SFI1: variants seen among roughly 807,000 people sequenced by gnomAD.
SFI1 encodes protein SFI1 homolog.
In SFI1, 195 loss-of-function variants were observed where a neutral mutation model predicts 207.5. That is an observed-to-expected ratio of 0.94 (90% CI 0.84 to 1.06). SFI1 has a LOEUF of 1.06. Ranked by LOEUF, SFI1 falls within the 50% of genes least tolerant of loss-of-function variation. The probability of loss-of-function intolerance (pLI) is 0.00; values close to 1 mark genes in which losing one functional copy is unlikely to be tolerated. For synonymous variants in SFI1, 630 were observed against 598.9 expected (o/e 1.05, Z -0.76); for missense variants, 1,634 against 1,588.0 (o/e 1.03, Z -0.49).
intron 10 of SFI1, among the ~76,000 whole-genome samples, chr22:31,576,208 A>T (rs1485749791): frequency 1.3e-5 from 2 of 151,978 alleles, no homozygotes; most frequent in Middle Eastern, 3.2e-3. Flanking sequence ...TATTTTTAGT[A>T]GAGACGGGGT....
intron 4 of SFI1, among the ~76,000 whole-genome samples, chr22:31,535,935 C>T (rs748338484): frequency 9.2e-5 from 14 of 152,070 alleles, no homozygotes; most frequent in Admixed American, 6.6e-5. Flanking sequence ...AGTCAAGGTT[C>T]GGTTAAGTTT....
At chr22:31,596,423 C>T (rs2067125285) in intron 15 of SFI1, among the ~76,000 whole-genome samples, 1 of 152,172 alleles carries the variant, frequency 6.6e-6, no homozygotes, top group African/African-American at 2.4e-5. Flanking sequence ...TCTCTTGTCT[C>T]TTCTGGCTTC....
At chr22:31,601,827 C>T (rs1292620938) in intron 15 of SFI1, among the ~76,000 whole-genome samples, 1 of 152,034 alleles carries the variant, frequency 6.6e-6, no homozygotes, top group Non-Finnish European at 1.5e-5. Context: ...GGGTCTCACT[C>T]TGTTGCCCAG....
intron 2 of SFI1, 129 bp from the exon 3 acceptor site, chr22:31,528,561 C>A: frequency 1.2e-6 from 1 of 831,490 alleles, no homozygotes; most frequent in Non-Finnish European, 1.9e-6. Flanking sequence ...TGCTTATTAT[C>A]CTTGCAGCAT....
intron 1 of SFI1, among the ~76,000 whole-genome samples, chr22:31,507,608 G>C (rs1258209286): frequency 6.6e-6 from 1 of 152,144 alleles, no homozygotes; most frequent in African/African-American, 2.4e-5. Context: ...TTTGCACTCT[G>C]TCCATCTGAC....
In SFI1 at chr22:31,540,309, A is replaced by C. The variant is rs2059361074; in HGVS notation, c.339-6552A>C. On this transcript the variant is annotated intron_variant, in intron 4 of 32. Coordinates refer to ENST00000400288, the MANE Select transcript of SFI1 (RefSeq NM_001007467.3). ...TTATTTTATTTTATTTTTGAGACAGAGTCTTACTCTGTCACCCAGGCTAGA... is the reference window on the plus strand; with the variant it reads ...TTATTTTATTTTATTTTTGAGACAGCGTCTTACTCTGTCACCCAGGCTAGA... Among the ~76,000 whole-genome samples, 4 of 150,542 alleles carry C rather than the reference A, an allele frequency of 2.7e-5. No individual in the cohort carries two copies. In the South Asian group the frequency reaches 8.4e-4, roughly 32 times the overall value.
chr22:31,556,341 C>T lies in SFI1; in HGVS notation c.545-601C>T, dbSNP rs2061166438. Among the ~76,000 whole-genome samples, 4 of 151,824 alleles carry T rather than the reference C, an allele frequency of 2.6e-5. 1 individual carries two copies. The South Asian group carries it at 8.3e-4, about 32-fold the overall frequency. On this transcript the variant is annotated intron_variant, in intron 6 of 32. Transcript: ENST00000400288. ...AGGTTTAGCAATTCTCCTGCCTCAG[C>T]CTCCTGAGTAGCTGGGACTACAGGC...
At chr22:31,603,242 A>G (rs1164423561) in intron 17 of SFI1, among the ~76,000 whole-genome samples, 1 of 152,166 alleles carries the variant, frequency 6.6e-6, no homozygotes, top group African/African-American at 2.4e-5. Context: ...CAAACGAACA[A>G]AAGTGACCAT....
At chr22:31,508,951 A>G (rs2055079467) in intron 2 of SFI1, among the ~76,000 whole-genome samples, 1 of 152,110 alleles carries the variant, frequency 6.6e-6, no homozygotes, top group African/African-American at 2.4e-5. Flanking sequence ...TATTTTTAGT[A>G]TGTCATCTAT....
chr22:31,607,661 G>T (rs1477551028), intron 21 of SFI1: 2 of 172,976 alleles, frequency 1.2e-5, no homozygotes, highest in Non-Finnish European at 1.2e-5. Context: ...TAAGACCCAT[G>T]TATATAATGA....
intron 8 of SFI1, chr22:31,572,758 C>T (rs187826226): frequency 1.1e-3 from 223 of 198,544 alleles, no homozygotes; most frequent in South Asian, 2.4e-3. Flanking sequence ...CCTCCTCGGC[C>T]TCCCAAAGTG....
chr22:31,580,420 C>CT, intron 12 of SFI1, 56 bp downstream of exon 12: 3 of 1,449,264 alleles, frequency 2.1e-6, no homozygotes, highest in Non-Finnish European at 2.9e-6. Flanking sequence ...CTCTCTCGCT[C>CT]TTTTTTTCAG....
At chr22:31,555,216 G>A (rs751219139) in intron 6 of SFI1, among the ~76,000 whole-genome samples, 1 of 152,058 alleles carries the variant, frequency 6.6e-6, no homozygotes, top group Non-Finnish European at 1.5e-5. Context: ...TTTTATAGGC[G>A]GTGGCTCACG....
chr22:31,557,019 C>G lies in SFI1; in HGVS notation c.622C>G (p.Gln208Glu). 6.2e-7 allele frequency: 1 copy of G among 1,611,998 alleles called. No homozygotes were observed. Among genetic ancestry groups the G allele is most frequent in the Non-Finnish European group, 8.5e-7 (1 of 1,178,660 alleles). ...VVVRRTKLQM[Q>E]TTALEFRQRI... ...TGTTCGTAGGACCAAACTTCAGATG[C>G]AGACTACAGCTCTGGAGTTTAGGCA... Residue 208 changes from glutamine to glutamate, a missense_variant, in exon 7 of 33, where the codon CAG becomes GAG. Physicochemically the swap from Gln to Glu is conservative, Grantham distance 29. Transcript: ENST00000400288.
Position 31,618,542 on chromosome 22 carries a change from C to A in SFI1, c.*124C>A. 2 of 1,027,664 alleles carry A rather than the reference C, an allele frequency of 1.9e-6. No individual in the cohort carries two copies. The highest frequency in any genetic ancestry group is 2.7e-6 in the Non-Finnish European group (2 of 747,474). The allele number at this position is 1,027,664 out of a possible 1,614,324, so 63.7% of individuals were successfully genotyped here. ...AAATGCTTTGCAATTAAATGAATTA[C>A]TGTTCAGAAGTCTCCCACTTTTCAT... On this transcript the variant is annotated 3_prime_UTR_variant, in exon 33 of 33. Transcript: ENST00000400288.
chr22:31,526,056 C>T (rs557513516), intron 2 of SFI1, among the ~76,000 whole-genome samples: 1 of 152,188 alleles, frequency 6.6e-6, no homozygotes, highest in African/African-American at 2.4e-5. Flanking sequence ...CCTCTGTTCT[C>T]AACCTTTTTC....
intron 1 of SFI1, 145 bp from the exon 2 acceptor site, chr22:31,508,110 T>A (rs2054921411): frequency 2.5e-6 from 1 of 399,644 alleles, no homozygotes; most frequent in South Asian, 5.7e-5. Context: ...TTAAATATAA[T>A]ATTTTAAGTC....
chr22:31,519,959 G>A (rs539616060), intron 2 of SFI1, among the ~76,000 whole-genome samples: 1 of 151,044 alleles, frequency 6.6e-6, no homozygotes, highest in Non-Finnish European at 1.5e-5. Flanking sequence ...TAGAGATGGG[G>A]TTTCACCTGT....
chr22:31,602,277 G>C lies in SFI1; in HGVS notation c.1610G>C (p.Arg537Pro). The change falls in exon 16 of 33, where the codon CGC becomes CCC. Residue 537 changes from arginine to proline, a missense_variant. By Grantham distance (103) the Arg-to-Pro change is moderately radical (BLOSUM62 -2). Transcript: ENST00000400288. ...RQKMFQHREN[R>P]LAERMAILHA... ...AAGATGTTTCAGCATCGAGAAAACC[G>C]CCTGGCAGAGAGAATGGTAAATGGC... 3.1e-6 allele frequency: 5 copies of C among 1,613,888 alleles called. No individual in the cohort carries two copies. Among genetic ancestry groups the C allele is most frequent in the Non-Finnish European group, 4.2e-6 (5 of 1,179,896 alleles).
Sources: gnomAD v4.1 joint callset for allele counts (sites outside exome capture counted in the v4.1 genomes callset) on GRCh38, gnomAD v4.1.1 for gene constraint, MANE v1.5 for transcripts, NCBI Gene and HGNC (gene_info 2026-07-23, HGNC 2026-07-21) for gene names.